REPS2: variants seen among roughly 807,000 people sequenced by gnomAD.
The protein encoded by REPS2 is ralBP1-associated Eps domain-containing protein 2.
Under a neutral mutation model 53.6 loss-of-function variants are expected in REPS2, and 23 were observed. The observed-to-expected ratio is 0.43, with a 90% CI of 0.31 to 0.61. The LOEUF is 0.61. Among genes scored for constraint, REPS2 ranks in the 20% least tolerant of loss-of-function variants. The pLI is 0.11. For missense variants in REPS2, 446 were observed against 534.9 expected, an observed-to-expected ratio of 0.83 and a Z score of 1.64; for synonymous variants, 238 against 218.6, an observed-to-expected ratio of 1.09 and a Z score of -0.78.
At chrX:17,094,975 T>G (rs2062676752) in intron 13 of REPS2, among the ~76,000 whole-genome samples, 1 of 111,862 alleles carries the variant, frequency 8.9e-6, no homozygotes, top group Non-Finnish European at 1.9e-5. Flanking sequence ...ATTAATAATA[T>G]ATATTTTAAC....
chrX:17,110,649 G>A (rs759791345), intron 14 of REPS2, among the ~76,000 whole-genome samples: 1 of 109,453 alleles, frequency 9.1e-6, no homozygotes, highest in South Asian at 4.0e-4. Context: ...CCAAGACCAC[G>A]ACATTGCACT....
At chrX:17,010,324 G>C (rs2147809246) in intron 2 of REPS2, among the ~76,000 whole-genome samples, 1 of 112,153 alleles carries the variant, frequency 8.9e-6, no homozygotes, top group Admixed American at 9.5e-5. Context: ...CGTCAGACAA[G>C]AATTACTTGT....
chrX:16,978,574 G>A (rs1286926818), intron 1 of REPS2: 2 of 749,601 alleles, frequency 2.7e-6, no homozygotes, highest in African/African-American at 4.7e-5. Context: ...AGGAGGAGCA[G>A]TTTTGCTGGC....
At chrX:16,992,128 C>T (rs989400815) in intron 1 of REPS2, among the ~76,000 whole-genome samples, 3 of 111,198 alleles carry the variant, frequency 2.7e-5, no homozygotes, top group African/African-American at 9.8e-5. Flanking sequence ...GTCTCTGATG[C>T]GATAGTATTA....
intron 10 of REPS2, among the ~76,000 whole-genome samples, chrX:17,068,727 A>G (rs941407154): frequency 1.8e-5 from 2 of 112,595 alleles, no homozygotes; most frequent in South Asian, 3.6e-4. Flanking sequence ...AACACCTTAC[A>G]CTGGAATCTG....
In REPS2 at chrX:16,995,764, C is replaced by T. The variant is rs149885876; in HGVS notation, c.274-10457C>T. ...CAACCTTACTCTGAGGAGGCTGGCCCGGTTCGAAGCTGGCTGCTCCAGGGC... is the reference window on the plus strand; with the variant it reads ...CAACCTTACTCTGAGGAGGCTGGCCTGGTTCGAAGCTGGCTGCTCCAGGGC... On this transcript the variant is annotated intron_variant, in intron 1 of 17. Transcript: ENST00000357277. Among the ~76,000 whole-genome samples, 636 of 111,656 alleles carry T rather than the reference C, an allele frequency of 5.7e-3. 1 individual carries two copies. The highest frequency in any genetic ancestry group is 0.014 in the Middle Eastern group (3 of 219).
At chrX:17,169,272 C>G in the REPS2 span, among the ~76,000 whole-genome samples, 1 of 112,151 alleles carries the variant, frequency 8.9e-6, no homozygotes, top group African/African-American at 3.2e-5. Context: ...CTGATATATC[C>G]AGGGGAAAAC....
chrX:17,021,391 A>C (rs1382255511), intron 2 of REPS2, among the ~76,000 whole-genome samples: 2 of 112,796 alleles, frequency 1.8e-5, no homozygotes, highest in East Asian at 5.5e-4. Context: ...TTTTGACAGA[A>C]GAATGTGGCT....
At chrX:17,028,004 C>A (rs765585581) in intron 4 of REPS2, among the ~76,000 whole-genome samples, 7 of 110,985 alleles carry the variant, frequency 6.3e-5, no homozygotes, top group Non-Finnish European at 1.1e-4. Context: ...CCAGATTTCC[C>A]ACACAAGTAG....
chrX:17,105,366 C>G (rs1341906602), intron 14 of REPS2, among the ~76,000 whole-genome samples: 1 of 112,384 alleles, frequency 8.9e-6, no homozygotes, highest in Non-Finnish European at 1.9e-5. Context: ...TGAGAGCCAC[C>G]TGGTTGAATG....
chrX:16,976,143 C>T (rs923404371), intron 1 of REPS2, among the ~76,000 whole-genome samples: 13 of 111,567 alleles, frequency 1.2e-4, no homozygotes, highest in East Asian at 2.8e-4. Context: ...TTAGAATAAA[C>T]GCCAACTTCC....
intron 1 of REPS2, among the ~76,000 whole-genome samples, chrX:16,969,349 C>T (rs924728738): frequency 8.9e-6 from 1 of 111,846 alleles, no homozygotes; most frequent in Non-Finnish European, 1.9e-5. Context: ...GCTGCAATCT[C>T]GGCACTTTGG....
At chrX:17,045,956 T>G (rs1418053143) in intron 5 of REPS2, among the ~76,000 whole-genome samples, 3 of 109,165 alleles carry the variant, frequency 2.7e-5, no homozygotes, top group South Asian at 4.0e-4. Flanking sequence ...ATGGTGTGTG[T>G]GTGTGGGTGT....
At chrX:17,041,580 C>G (rs767863481) in intron 5 of REPS2, among the ~76,000 whole-genome samples, 1 of 112,145 alleles carries the variant, frequency 8.9e-6, no homozygotes, top group East Asian at 2.8e-4. Context: ...TTGTGGTAGT[C>G]TTATTTCCAA....
At chrX:17,154,216 C>T (rs1379897171), downstream of REPS2, among the ~76,000 whole-genome samples, 6 of 112,191 alleles carry the variant, frequency 5.3e-5, no homozygotes, top group Admixed American at 1.9e-4. Context: ...AGAGTCTCAG[C>T]TGATTCAGAG....
chrX:17,149,923 T>C lies in REPS2; in HGVS notation c.*2442T>C, dbSNP rs1431337272. 9.0e-6 allele frequency: 1 copy of C among 111,643 alleles called. No individual in the cohort carries two copies. The highest frequency in any genetic ancestry group is 3.3e-5 in the African/African-American group (1 of 30,690). 9.2% of individuals were successfully genotyped at this position (111,643 alleles called of 1,213,427 possible). A position where few individuals can be genotyped will look rare whatever the true frequency, so the allele number is the denominator to read the frequency against. ...AAAAACTTGCATTGGACAATCAAAT[T>C]CCCCTGAGTTTCATAATCTCATCAA... is the stretch of plus-strand genomic sequence containing the variant. On this transcript the variant is annotated 3_prime_UTR_variant, in exon 18 of 18. Transcript: ENST00000357277.
chrX:16,965,224 C>G (rs1414277169), intron 1 of REPS2, among the ~76,000 whole-genome samples: 1 of 99,801 alleles, frequency 1.0e-5, no homozygotes, highest in Non-Finnish European at 2.1e-5. Context: ...TGGGCAGAGG[C>G]GCCCCTCACT....
chrX:16,958,232 C>G (rs1188490686), intron 1 of REPS2, among the ~76,000 whole-genome samples: 1 of 111,579 alleles, frequency 9.0e-6, no homozygotes, highest in East Asian at 2.8e-4. Context: ...CATAGTGATT[C>G]TGTGTAAATG....
At chrX:17,179,768 A>G in the REPS2 span, among the ~76,000 whole-genome samples, 6 of 111,640 alleles carry the variant, frequency 5.4e-5, no homozygotes, top group Admixed American at 3.8e-4. Flanking sequence ...TCATCAGTAG[A>G]TCTATAAGGA....
Sources: allele counts gnomAD v4.1 joint callset (sites outside exome capture counted in the v4.1 genomes callset), GRCh38; gene constraint gnomAD v4.1.1; transcripts MANE v1.5; gene names NCBI Gene and HGNC (gene_info 2026-07-23, HGNC 2026-07-21).